The following BMPR2 variants were observed in gnomAD, a reference collection of about 807,000 sequenced individuals.
BMPR2 encodes the protein bone morphogenetic protein receptor type 2.
A neutral mutation model predicts 100.8 loss-of-function variants in BMPR2; 29 were observed. The observed-to-expected ratio is 0.29, with a 90% CI of 0.21 to 0.39. BMPR2 has a LOEUF of 0.39. BMPR2 is among the 10% of genes least tolerant of loss of function. The pLI is 1.00. For missense variants in BMPR2, 1,011 were observed against 1,274.5 expected (o/e 0.79, Z 3.15); for synonymous variants, 382 against 442.3 (o/e 0.86, Z 1.71).
intron 10 of BMPR2, among the ~76,000 whole-genome samples, chr2:202,549,746 C>A (rs368540822): frequency 0.011 from 1,250 of 118,424 alleles, no homozygotes; most frequent in African/African-American, 0.011. Flanking sequence ...GACTCTGTCT[C>A]AAAAAAAAAA....
chr2:202,549,994 C>T (rs1044380024), intron 10 of BMPR2, among the ~76,000 whole-genome samples: 1 of 152,094 alleles, frequency 6.6e-6, no homozygotes, highest in African/African-American at 2.4e-5. Context: ...CAGCCTTGAC[C>T]TCCCAGGCTA....
chr2:202,544,387 C>T (rs1559070873), intron 10 of BMPR2, among the ~76,000 whole-genome samples: 2 of 152,106 alleles, frequency 1.3e-5, no homozygotes. Context: ...CTTGCCCTCA[C>T]ACTCGAGTAA....
At chr2:202,514,352 G>A (rs1378355611) in intron 4 of BMPR2, among the ~76,000 whole-genome samples, 1 of 151,988 alleles carries the variant, frequency 6.6e-6, no homozygotes, top group African/African-American at 2.4e-5. Flanking sequence ...TAGCCAGGAT[G>A]GTCTCGATCT....
intron 1 of BMPR2, among the ~76,000 whole-genome samples, chr2:202,434,671 G>A (rs1691569660): frequency 6.7e-6 from 1 of 148,374 alleles, no homozygotes; most frequent in South Asian, 2.1e-4. Context: ...ACAGGCTGGA[G>A]TGCAGTGGCT....
chr2:202,504,683 T>G (rs1009888456), intron 3 of BMPR2, among the ~76,000 whole-genome samples: 2 of 147,108 alleles, frequency 1.4e-5, no homozygotes, highest in Non-Finnish European at 3.0e-5. Context: ...AGATTCTTTT[T>G]TTTTTTTTTT....
Position 202,550,065 on chromosome 2 carries a change from C to G in BMPR2, c.1414-2651C>G, listed in dbSNP as rs547364422. Among the ~76,000 whole-genome samples the G allele has an allele frequency of 2.2e-3, 333 of 152,166 alleles. 1 individual carries two copies. Among genetic ancestry groups the G allele is most frequent in the African/African-American group, 7.3e-3 (305 of 41,536 alleles). ...GGACCACAGGTGTGCACAACCACAT[C>G]CAGCTAATTTTTAAAAATTTTTGGC... On this transcript the variant is annotated intron_variant, in intron 10 of 12. Transcript: ENST00000374580.
At position 202,483,033 on chromosome 2, in the gene BMPR2, CT is replaced by C. The variant is rs142178677; in HGVS notation, c.418+15346del. On this transcript the variant is annotated intron_variant, in intron 3 of 12. Coordinates refer to ENST00000374580, the MANE Select transcript of BMPR2 (RefSeq NM_001204.7). The stretch of plus-strand genomic sequence containing the variant: ...CAGTTTCTTCACCTTCTTGCCGTCA[CT>C]TGTTATTTTTTTTAAATAGTCGCTG... 5.5e-3 allele frequency among the ~76,000 whole-genome samples: 831 copies of C among 152,140 alleles called. 7 individuals carry two copies. The highest frequency in any genetic ancestry group is 0.01 in the Middle Eastern group (3 of 294).
At chr2:202,410,926 G>A (rs546626713) in intron 1 of BMPR2, among the ~76,000 whole-genome samples, 2 of 152,162 alleles carry the variant, frequency 1.3e-5, no homozygotes, top group East Asian at 1.9e-4. Context: ...TTTATTTTTA[G>A]AGCAATTTTA....
chr2:202,563,149 T>C lies in BMPR2; in HGVS notation c.*3203T>C. 1 of 152,204 alleles carries C rather than the reference T, an allele frequency of 6.6e-6. No homozygotes were observed. Among genetic ancestry groups the C allele is most frequent in the African/African-American group, 2.4e-5 (1 of 41,446 alleles). The allele number at this position is 152,204 out of a possible 1,614,324, so 9.4% of individuals were successfully genotyped here. On this transcript the variant is annotated 3_prime_UTR_variant, in exon 13 of 13. Transcript: ENST00000374580. ...ATGGGCTAACGTTTATTTAAAAAGTTCAGGCCAGGTGCAGTGGCTTATGCC... is the reference window on the plus strand; with the variant it reads ...ATGGGCTAACGTTTATTTAAAAAGTCCAGGCCAGGTGCAGTGGCTTATGCC...
intron 12 of BMPR2, among the ~76,000 whole-genome samples, chr2:202,558,410 C>T (rs1484130336): frequency 1.3e-5 from 2 of 152,050 alleles, no homozygotes; most frequent in Non-Finnish European, 2.9e-5. Context: ...CTGCGCCCAG[C>T]CTATTTCTCT....
At chr2:202,493,964 A>G (rs1206287951) in intron 3 of BMPR2, among the ~76,000 whole-genome samples, 1 of 152,198 alleles carries the variant, frequency 6.6e-6, no homozygotes, top group Non-Finnish European at 1.5e-5. Context: ...AGTCTTTCAT[A>G]TTCAGTATTA....
At chr2:202,543,559 A>G (rs1188905166) in intron 10 of BMPR2, among the ~76,000 whole-genome samples, 1 of 151,878 alleles carries the variant, frequency 6.6e-6, no homozygotes, top group African/African-American at 2.4e-5. Context: ...TAATTATTGT[A>G]TTAAAAAGGA....
chr2:202,415,490 T>C (rs1403941368), intron 1 of BMPR2, among the ~76,000 whole-genome samples: 2 of 151,872 alleles, frequency 1.3e-5, no homozygotes, highest in Non-Finnish European at 2.9e-5. Flanking sequence ...AATAAATAAA[T>C]AAATAAACGT....
intron 7 of BMPR2, among the ~76,000 whole-genome samples, chr2:202,529,963 A>G (rs892352816): frequency 6.6e-6 from 1 of 152,110 alleles, no homozygotes; most frequent in African/African-American, 2.4e-5. Flanking sequence ...ATTTAATACA[A>G]GGTTTATATA....
At chr2:202,550,374 C>CAAAAA (rs71035016) in intron 10 of BMPR2, among the ~76,000 whole-genome samples, 1 of 94,278 alleles carries the variant, frequency 1.1e-5, no homozygotes, top group African/African-American at 3.9e-5. Flanking sequence ...CTCCTATCTC[C>CAAAAA]AAAAAAAAAA....
intron 9 of BMPR2, among the ~76,000 whole-genome samples, chr2:202,534,756 G>C (rs546798400): frequency 6.6e-6 from 1 of 151,990 alleles, no homozygotes; most frequent in Non-Finnish European, 1.5e-5. Context: ...ATCCTGGCCC[G>C]TTCTCAATGA....
chr2:202,426,300 G>T (rs1691382489), intron 1 of BMPR2, among the ~76,000 whole-genome samples: 1 of 152,148 alleles, frequency 6.6e-6, no homozygotes, highest in Non-Finnish European at 1.5e-5. Context: ...TTAGTTTATG[G>T]CCGGGTACGG....
chr2:202,431,996 A>G (rs1003312585), intron 1 of BMPR2, among the ~76,000 whole-genome samples: 2 of 150,560 alleles, frequency 1.3e-5, no homozygotes, highest in Non-Finnish European at 1.5e-5. Context: ...TTTTATATAT[A>G]AATATAGGTA....
intron 10 of BMPR2, among the ~76,000 whole-genome samples, chr2:202,544,543 C>T (rs1051931050): frequency 6.6e-6 from 1 of 152,016 alleles, no homozygotes; most frequent in Non-Finnish European, 1.5e-5. Context: ...CATCCTGAAT[C>T]GTTTCATTGC....
Sources: allele counts gnomAD v4.1 joint callset (sites outside exome capture counted in the v4.1 genomes callset), GRCh38; gene constraint gnomAD v4.1.1; transcripts MANE v1.5; gene names NCBI Gene and HGNC (gene_info 2026-07-23, HGNC 2026-07-21).